Variants in SH3BP4 observed in about 807,000 individuals in gnomAD.
SH3BP4 encodes the protein SH3 domain binding protein 4.
Under a neutral mutation model 65.5 loss-of-function variants are expected in SH3BP4, and 33 were observed. The observed-to-expected ratio is 0.50, with a 90% CI of 0.38 to 0.67. The LOEUF (loss-of-function observed/expected upper bound fraction) is 0.67. Ranked by LOEUF, SH3BP4 falls within the 30% of genes least tolerant of loss-of-function variation. The pLI, the probability that SH3BP4 is intolerant of heterozygous loss-of-function variation, is 0.00. For synonymous variants in SH3BP4, 552 were observed against 545.5 expected, an observed-to-expected ratio of 1.01 and a Z score of -0.17; for missense variants, 1,134 against 1,261.4, an observed-to-expected ratio of 0.90 and a Z score of 1.53.
In SH3BP4 at chr2:235,019,896, A is replaced by T. The variant is rs868699669; in HGVS notation, c.-132-14975A>T. ...CTTAAAAAAAAAAAAAAAAAAAAAA[A>T]TCTTTAAAAGAGACAAAAGCAAGTT... On this transcript the variant is annotated intron_variant, in intron 2 of 5. Coordinates refer to ENST00000392011, the MANE Select transcript of SH3BP4 (RefSeq NM_014521.3). Among the ~76,000 whole-genome samples, 572 of 147,828 alleles carry T rather than the reference A, an allele frequency of 3.9e-3. 3 individuals carry two copies. Among genetic ancestry groups the T allele is most frequent in the African/African-American group, 0.014 (548 of 40,376 alleles).
intron 1 of SH3BP4, among the ~76,000 whole-genome samples, chr2:234,984,227 A>G (rs966375459): frequency 2.6e-5 from 4 of 151,080 alleles, no homozygotes; most frequent in African/African-American, 4.9e-5. Context: ...GGTGCGGGGC[A>G]GGGTCTCATT....
chr2:235,014,317 G>T (rs1286933609), intron 2 of SH3BP4, among the ~76,000 whole-genome samples: 1 of 152,132 alleles, frequency 6.6e-6, no homozygotes, highest in Non-Finnish European at 1.5e-5. Context: ...TGGAGGCCTC[G>T]TCCCTCTTTT....
chr2:235,050,758 C>T (rs967020030), intron 4 of SH3BP4, among the ~76,000 whole-genome samples: 1 of 152,122 alleles, frequency 6.6e-6, no homozygotes, highest in African/African-American at 2.4e-5. Flanking sequence ...CCCAGCCGAC[C>T]GCATGAGCAC....
chr2:234,968,423 A>G (rs907704530), intron 1 of SH3BP4, among the ~76,000 whole-genome samples: 2 of 112,408 alleles, frequency 1.8e-5, no homozygotes, highest in Non-Finnish European at 3.6e-5. Flanking sequence ...TTTTCTAGTT[A>G]CCCTCTAGAA....
At position 234,956,568 on chromosome 2, in the gene SH3BP4, T is replaced by TC. The variant is rs987316768; in HGVS notation, c.-207+4398_-207+4399insC. Among the ~76,000 whole-genome samples the TC allele has an allele frequency of 3.9e-4, 60 of 151,910 alleles. 1 individual carries two copies. The East Asian group carries it at 0.01, about 26-fold the overall frequency. ...GGACAACCCTGCCTCTTTTTTTTTT[T>TC]TTTTTGAGTTGAGATTTCTCTGTTG... On this transcript the variant is annotated intron_variant, in intron 1 of 5. Coordinates refer to ENST00000392011, the MANE Select transcript of SH3BP4 (RefSeq NM_014521.3).
intron 1 of SH3BP4, among the ~76,000 whole-genome samples, chr2:234,968,845 C>CT (rs1470160426): frequency 6.6e-6 from 1 of 152,220 alleles, no homozygotes; most frequent in Non-Finnish European, 1.5e-5. Flanking sequence ...TCCTGATACC[C>CT]TTTTATTGCC....
chr2:235,037,815 A>G (rs936920401), intron 3 of SH3BP4, among the ~76,000 whole-genome samples: 6 of 152,088 alleles, frequency 3.9e-5, no homozygotes, highest in African/African-American at 1.4e-4. Context: ...GACCCACATC[A>G]ATTCTTCCCA....
In SH3BP4 at chr2:235,043,162, T is replaced by C; in HGVS notation, c.2393T>C (p.Val798Ala). The C allele has an allele frequency of 1.2e-6, 2 of 1,612,584 alleles. No homozygotes were observed. Among genetic ancestry groups the C allele is most frequent in the Non-Finnish European group, 1.7e-6 (2 of 1,179,178 alleles). Reference sequence around the variant, plus strand: ...GAGCTGGATAGTGAGCCCGAGCGGGTGGCGTCCGTCCTAGAAAAGCTGAAG... The same window carrying C: ...GAGCTGGATAGTGAGCCCGAGCGGGCGGCGTCCGTCCTAGAAAAGCTGAAG... The part of the protein sequence containing the change: ...RAELDSEPER[V>A]ASVLEKLKED... Residue 798 changes from valine (V) to alanine (A), a missense_variant, in exon 4 of 6, where the codon GTG (valine) becomes GCG (alanine). Val to Ala is a moderately conservative substitution (Grantham distance 64, BLOSUM62 0). Transcript: ENST00000392011.
In SH3BP4 at chr2:234,974,319, C is replaced by G. The variant is rs866638233; in HGVS notation, c.-206-20984C>G. ...GGCTGGGGTTGCAGTGAGCCAAGATCGCACTATTGCACTCCAGCCTGGGCA... is the reference window on the plus strand; with the variant it reads ...GGCTGGGGTTGCAGTGAGCCAAGATGGCACTATTGCACTCCAGCCTGGGCA... On this transcript the variant is annotated intron_variant, in intron 1 of 5. Transcript: ENST00000392011. This position sits in a 1 kb window ranked among gnomAD's most constrained non-coding sequence, Gnocchi z 4.6. 6.6e-6 allele frequency among the ~76,000 whole-genome samples: 1 copy of G among 152,010 alleles called. No individual in the cohort carries two copies. The highest frequency in any genetic ancestry group is 1.5e-5 in the Non-Finnish European group (1 of 68,006).
Position 235,038,304 on chromosome 2 carries a change from T to TATAATATATATTATATATA in SH3BP4, c.119-2581_119-2580insATATATATTATATATAATA, listed in dbSNP as rs1553567340. ...TATTATATATAATATATATATTATA[T>TATAATATATATTATATATA]ATATATATTATATATTATATATATA... On this transcript the variant is annotated intron_variant, in intron 3 of 5. Transcript: ENST00000392011. 5.1e-4 allele frequency among the ~76,000 whole-genome samples: 7 copies of TATAATATATATTATATATA among 13,750 alleles called. 1 individual carries two copies. Among genetic ancestry groups the TATAATATATATTATATATA allele is most frequent in the African/African-American group, 1.4e-3 (7 of 4,936 alleles). The allele number at this position is 13,750 out of a possible 152,430, so 9.0% of individuals were successfully genotyped here.
At chr2:234,970,225 G>C (rs924234889) in intron 1 of SH3BP4, among the ~76,000 whole-genome samples, 1 of 152,178 alleles carries the variant, frequency 6.6e-6, no homozygotes, top group South Asian at 2.1e-4. Flanking sequence ...AAACATTTGG[G>C]AACGCTGATG....
intron 2 of SH3BP4, among the ~76,000 whole-genome samples, chr2:235,031,592 G>A (rs762692033): frequency 6.6e-6 from 1 of 152,166 alleles, no homozygotes; most frequent in East Asian, 1.9e-4. Context: ...CTGGCCTCCC[G>A]CCTTTGCTGT....
chr2:234,980,271 A>G (rs1693333183), intron 1 of SH3BP4, among the ~76,000 whole-genome samples: 2 of 152,186 alleles, frequency 1.3e-5, no homozygotes, highest in Non-Finnish European at 2.9e-5. Flanking sequence ...ATACATGCCT[A>G]TGAGAAAGTT....
chr2:235,054,006 T>C lies in SH3BP4; in HGVS notation c.*190T>C, dbSNP rs547907552. 3 of 554,678 alleles carry C rather than the reference T, an allele frequency of 5.4e-6. No homozygotes were observed. Among genetic ancestry groups the C allele is most frequent in the East Asian group, 5.6e-5 (2 of 35,666 alleles). 34.4% of individuals were successfully genotyped at this position (554,678 alleles called of 1,614,324 possible). A position where few individuals can be genotyped will look rare whatever the true frequency, so the allele number is the denominator to read the frequency against. ...GGAGAGGCCTGAAGGGACTGCCTAC[T>C]GCAGCTCGTTGCCAATCACATAGCT... On this transcript the variant is annotated 3_prime_UTR_variant, in exon 6 of 6. Coordinates refer to ENST00000392011, the MANE Select transcript of SH3BP4 (RefSeq NM_014521.3).
chr2:235,024,285 C>A (rs1055550136), intron 2 of SH3BP4, among the ~76,000 whole-genome samples: 1 of 152,180 alleles, frequency 6.6e-6, no homozygotes, highest in Non-Finnish European at 1.5e-5. Flanking sequence ...CTCTCCTAAG[C>A]GACGCCCTGA....
intron 2 of SH3BP4, among the ~76,000 whole-genome samples, chr2:234,998,603 T>A (rs565884776): frequency 2.6e-4 from 39 of 152,364 alleles, no homozygotes; most frequent in African/African-American, 8.9e-4. Flanking sequence ...AGCTGACCGC[T>A]GCAGTGGGCA....
intron 1 of SH3BP4, among the ~76,000 whole-genome samples, chr2:234,979,235 T>G (rs1158198208): frequency 6.6e-6 from 1 of 152,212 alleles, no homozygotes; most frequent in Admixed American, 6.5e-5. Flanking sequence ...GGAACTTAAC[T>G]TTGAAATTCC....
chr2:235,042,025 A>T lies in SH3BP4; in HGVS notation c.1256A>T (p.Asp419Val). The change falls in exon 4 of 6, where the codon GAC becomes GTC. Residue 419 changes from aspartate (D) to valine (V), a missense_variant. Asp to Val is a radical substitution (Grantham distance 152). Transcript: ENST00000392011. This position sits in a 1 kb window ranked among gnomAD's most constrained non-coding sequence, Gnocchi z 7.3. ...GTGGGCCTCCAGTGCCTGAGGAGCGACTCGAAGGAAGGGCCATATGTCTCC... is the reference window on the plus strand; with the variant it reads ...GTGGGCCTCCAGTGCCTGAGGAGCGTCTCGAAGGAAGGGCCATATGTCTCC... ...STVGLQCLRS[D>V]SKEGPYVSVP... is the part of the protein sequence containing the mutation. The T allele has an allele frequency of 6.2e-7, 1 of 1,613,784 alleles. No individual in the cohort carries two copies. The highest frequency in any genetic ancestry group is 8.5e-7 in the Non-Finnish European group (1 of 1,179,956).
intron 4 of SH3BP4, among the ~76,000 whole-genome samples, chr2:235,049,115 G>A (rs1695966771): frequency 6.6e-6 from 1 of 152,200 alleles, no homozygotes; most frequent in South Asian, 2.1e-4. Flanking sequence ...AGTGAGTGAG[G>A]GAGAGATGCC....
Sources: allele counts gnomAD v4.1 joint callset (sites outside exome capture counted in the v4.1 genomes callset), GRCh38; gene constraint gnomAD v4.1.1; non-coding constraint Gnocchi (gnomAD v3.1); transcripts MANE v1.5; gene names NCBI Gene and HGNC (gene_info 2026-07-23, HGNC 2026-07-21).